RASEF: variants seen among roughly 807,000 people sequenced by gnomAD.
RASEF encodes the protein ras and EF-hand domain-containing protein.
In RASEF, 68 loss-of-function variants were observed where a neutral mutation model predicts 90.1. The ratio of observed to expected loss-of-function variants is 0.75; its 90% CI spans 0.62 to 0.92. The LOEUF (loss-of-function observed/expected upper bound fraction) is 0.92. Ranked by LOEUF, RASEF falls within the 40% of genes least tolerant of loss-of-function variation. The probability of loss-of-function intolerance (pLI) is 0.00; values close to 1 mark genes in which losing one functional copy is unlikely to be tolerated. For synonymous variants in RASEF, 331 were observed against 345.2 expected (o/e 0.96, Z 0.46); for missense variants, 949 against 937.2 (o/e 1.01, Z -0.16).
chr9:83,022,541 C>G lies in RASEF; in HGVS notation c.579-115G>C, dbSNP rs1829463387. 1.3e-5 allele frequency: 9 copies of G among 711,682 alleles called. 1 individual carries two copies. In the South Asian group the frequency reaches 1.4e-4, roughly 11 times the overall value. The allele number at this position is 711,682 out of a possible 1,614,324, so 44.1% of individuals were successfully genotyped here. A position where few individuals can be genotyped will look rare whatever the true frequency, so the allele number is the denominator to read the frequency against. On this transcript the variant is annotated intron_variant, in intron 2 of 16. Transcript: ENST00000376447. ...TATATTACAGATGAAGAGAAACACC[C>G]CATTCAAAATGATTTCCCATTCCTT...
the RASEF span, among the ~76,000 whole-genome samples, chr9:83,171,608 G>A: frequency 4.7e-4 from 72 of 151,636 alleles, no homozygotes; most frequent in East Asian, 1.7e-3. Context: ...CTTTTTATTC[G>A]TTACTGGTAT....
intron 12 of RASEF, 49 bp downstream of exon 12, chr9:83,000,119 CA>C (rs1829000162): frequency 1.3e-6 from 2 of 1,557,160 alleles, no homozygotes; most frequent in African/African-American, 2.8e-5. Flanking sequence ...AAGAGAAAAT[CA>C]AGCTAAGGAA....
chr9:83,136,895 T>C, the RASEF span, among the ~76,000 whole-genome samples: 1 of 152,094 alleles, frequency 6.6e-6, no homozygotes, highest in Non-Finnish European at 1.5e-5. Flanking sequence ...TTATATGAAC[T>C]GTTTAAACAT....
chr9:83,191,237 C>A, the RASEF span, among the ~76,000 whole-genome samples: 7 of 152,184 alleles, frequency 4.6e-5, no homozygotes, highest in Non-Finnish European at 1.0e-4. Context: ...GACAAGTCTG[C>A]AGATTTCAAA....
chr9:83,174,029 G>A, the RASEF span, among the ~76,000 whole-genome samples: 26,027 of 151,116 alleles, frequency 0.17, 2,421 homozygotes, highest in Non-Finnish European at 0.21. Flanking sequence ...AAGTGGTATG[G>A]GTTCTTTTTA....
the RASEF span, among the ~76,000 whole-genome samples, chr9:83,141,848 G>A: frequency 6.6e-6 from 1 of 152,132 alleles, no homozygotes; most frequent in African/African-American, 2.4e-5. Context: ...TAGAGCTAGG[G>A]GTTGGGAGTA....
intron 1 of RASEF, among the ~76,000 whole-genome samples, chr9:83,032,122 C>A (rs1324311560): frequency 6.6e-6 from 1 of 152,104 alleles, no homozygotes; most frequent in African/African-American, 2.4e-5. Flanking sequence ...AACTTGGCAC[C>A]ATTACTTGGT....
chr9:83,018,995 A>G (rs537502812), intron 3 of RASEF, among the ~76,000 whole-genome samples: 31 of 152,316 alleles, frequency 2.0e-4, no homozygotes, highest in African/African-American at 7.5e-4. Flanking sequence ...ATATCTTGGC[A>G]CCAAATACAA....
the RASEF span, among the ~76,000 whole-genome samples, chr9:83,179,175 G>T: frequency 2.6e-5 from 4 of 152,122 alleles, no homozygotes; most frequent in Admixed American, 6.6e-5. Context: ...AGTGTCAGTT[G>T]TCATAGGAAA....
the RASEF span, among the ~76,000 whole-genome samples, chr9:83,106,742 C>T: frequency 1.3e-5 from 2 of 149,872 alleles, no homozygotes. Context: ...TACTTATAAA[C>T]CATTTTATTA....
chr9:83,115,107 A>G, the RASEF span, among the ~76,000 whole-genome samples: 79,869 of 151,822 alleles, frequency 0.53, 21,385 homozygotes, highest in East Asian at 0.79. Context: ...CAAACCGGCC[A>G]ACACTTAGGG....
At chr9:83,122,574 C>T in the RASEF span, among the ~76,000 whole-genome samples, 18 of 152,104 alleles carry the variant, frequency 1.2e-4, no homozygotes, top group African/African-American at 3.1e-4. Context: ...GCGGGAGGTA[C>T]CTCAAGAGCC....
the RASEF span, among the ~76,000 whole-genome samples, chr9:83,073,563 T>G: frequency 8.1e-3 from 1,233 of 152,314 alleles, 15 homozygotes; most frequent in African/African-American, 0.028. Context: ...AAGGGTGCAG[T>G]TGAGAAAGAA....
the RASEF span, among the ~76,000 whole-genome samples, chr9:83,092,234 T>A: frequency 6.6e-6 from 1 of 151,980 alleles, no homozygotes; most frequent in Non-Finnish European, 1.5e-5. Flanking sequence ...GTGAACCAAT[T>A]ATGTCCCTCC....
At chr9:83,036,518 A>G (rs1339005610) in intron 1 of RASEF, among the ~76,000 whole-genome samples, 1 of 152,214 alleles carries the variant, frequency 6.6e-6, no homozygotes, top group African/African-American at 2.4e-5. Flanking sequence ...ATATGGTTTA[A>G]GTGTATATCT....
intron 1 of RASEF, among the ~76,000 whole-genome samples, chr9:83,026,684 G>T (rs1224192433): frequency 6.6e-6 from 1 of 152,076 alleles, no homozygotes; most frequent in Non-Finnish European, 1.5e-5. Flanking sequence ...CCAAACCACA[G>T]CAATGAATAT....
chr9:83,077,056 T>C, the RASEF span, among the ~76,000 whole-genome samples: 11 of 152,200 alleles, frequency 7.2e-5, no homozygotes, highest in Non-Finnish European at 1.5e-4. Context: ...ACTTGGTTTA[T>C]CTTTAAATGA....
the RASEF span, among the ~76,000 whole-genome samples, chr9:83,142,944 G>A: frequency 2.6e-5 from 4 of 152,156 alleles, no homozygotes; most frequent in African/African-American, 9.7e-5. Context: ...TCTCTATGAT[G>A]TTATGGGATC....
chr9:83,071,753 T>C, the RASEF span, among the ~76,000 whole-genome samples: 65 of 152,328 alleles, frequency 4.3e-4, no homozygotes, highest in Non-Finnish European at 8.4e-4. Flanking sequence ...GATTTCATTC[T>C]AATCCAACCC....
Sources: allele counts gnomAD v4.1 joint callset (sites outside exome capture counted in the v4.1 genomes callset), GRCh38; gene constraint gnomAD v4.1.1; transcripts MANE v1.5; gene names NCBI Gene and HGNC (gene_info 2026-07-23, HGNC 2026-07-21).